Variants in ZSWIM5 observed in about 807,000 individuals in gnomAD.
ZSWIM5 encodes the protein zinc finger SWIM domain-containing protein 5.
Under a neutral mutation model 119.6 loss-of-function variants are expected in ZSWIM5, and 55 were observed. That is an observed-to-expected ratio of 0.46 (90% CI 0.37 to 0.58). The LOEUF is 0.58. ZSWIM5 is among the 20% of genes least tolerant of loss of function. ZSWIM5 has a pLI of 0.00. For synonymous variants in ZSWIM5, 537 were observed against 606.9 expected, an observed-to-expected ratio of 0.88 and a Z score of 1.69; for missense variants, 1,193 against 1,512.8, an observed-to-expected ratio of 0.79 and a Z score of 3.51.
chr1:45,198,819 T>C (rs1646141242), intron 1 of ZSWIM5, among the ~76,000 whole-genome samples: 1 of 152,242 alleles, frequency 6.6e-6, no homozygotes, highest in African/African-American at 2.4e-5. Context: ...GCTAAGTGGC[T>C]TGTATCATTG....
intron 1 of ZSWIM5, among the ~76,000 whole-genome samples, chr1:45,166,298 G>T (rs1435788018): frequency 6.6e-6 from 1 of 152,020 alleles, no homozygotes; most frequent in African/African-American, 2.4e-5. Context: ...CAATAAACTA[G>T]GTATTGATGG....
chr1:45,038,906 T>A, intron 8 of ZSWIM5, 30 bp downstream of exon 8: 1 of 1,611,390 alleles, frequency 6.2e-7, no homozygotes, highest in South Asian at 1.1e-5. Flanking sequence ...ACAAGGGCAG[T>A]CTTGGTTTGC....
intron 1 of ZSWIM5, among the ~76,000 whole-genome samples, chr1:45,200,383 A>G (rs1395169877): frequency 6.6e-6 from 1 of 152,252 alleles, no homozygotes; most frequent in African/African-American, 2.4e-5. Flanking sequence ...GAAAGAAATA[A>G]GCCTATAAAT....
At chr1:45,178,128 C>T (rs769655876) in intron 1 of ZSWIM5, among the ~76,000 whole-genome samples, 1 of 151,894 alleles carries the variant, frequency 6.6e-6, no homozygotes, top group Non-Finnish European at 1.5e-5. Context: ...ACTGTATCTT[C>T]AAATTAGACA....
intron 2 of ZSWIM5, among the ~76,000 whole-genome samples, chr1:45,084,194 G>A (rs745319779): frequency 1.3e-5 from 2 of 152,150 alleles, no homozygotes; most frequent in African/African-American, 2.4e-5. Context: ...ACAGGTGTGA[G>A]CCTCTGCGCC....
chr1:45,068,337 C>T (rs1343167181), intron 2 of ZSWIM5, among the ~76,000 whole-genome samples: 1 of 151,558 alleles, frequency 6.6e-6, no homozygotes, highest in African/African-American at 2.4e-5. Context: ...AACTCCTGAC[C>T]GCAGGTGATC....
intron 11 of ZSWIM5, among the ~76,000 whole-genome samples, chr1:45,032,663 T>C (rs1644960055): frequency 6.6e-6 from 1 of 151,750 alleles, no homozygotes; most frequent in East Asian, 1.9e-4. Flanking sequence ...TTTTTGTATT[T>C]TTAGTAGAGA....
intron 6 of ZSWIM5, among the ~76,000 whole-genome samples, chr1:45,042,876 T>C (rs1003944384): frequency 3.3e-5 from 5 of 152,170 alleles, no homozygotes; most frequent in Non-Finnish European, 4.4e-5. Flanking sequence ...TAACAAAACA[T>C]GTAATTTCAG....
At position 45,199,092 on chromosome 1, in the gene ZSWIM5, C is replaced by T. The variant is rs546078430; in HGVS notation, c.595+6664G>A. ...TACATACCAGCAATGTATGAGAGTTCCAGTTACTCCATATACTTGTCAGCA... is the reference window on the plus strand; with the variant it reads ...TACATACCAGCAATGTATGAGAGTTTCAGTTACTCCATATACTTGTCAGCA... On this transcript the variant is annotated intron_variant, in intron 1 of 13. Transcript: ENST00000359600. Among the ~76,000 whole-genome samples the T allele has an allele frequency of 2.6e-5, 4 of 152,126 alleles. No homozygotes were observed. The South Asian group carries it at 8.3e-4, about 32-fold the overall frequency.
intron 1 of ZSWIM5, among the ~76,000 whole-genome samples, chr1:45,187,385 G>A (rs932908133): frequency 2.6e-5 from 4 of 151,872 alleles, no homozygotes; most frequent in African/African-American, 9.7e-5. Flanking sequence ...TGGAAAAAAT[G>A]GATATCCATA....
chr1:45,184,676 G>C (rs1287006276), intron 1 of ZSWIM5, among the ~76,000 whole-genome samples: 1 of 151,644 alleles, frequency 6.6e-6, no homozygotes, highest in African/African-American at 2.4e-5. Context: ...AAAATACTTA[G>C]GTATCCAACT....
chr1:45,065,006 T>C (rs947246072), intron 2 of ZSWIM5, among the ~76,000 whole-genome samples: 1 of 152,230 alleles, frequency 6.6e-6, no homozygotes, highest in African/African-American at 2.4e-5. Flanking sequence ...ACAGAGAATA[T>C]GGAATTAGTC....
At chr1:45,062,118 T>A (rs1404786603) in intron 2 of ZSWIM5, among the ~76,000 whole-genome samples, 1 of 152,136 alleles carries the variant, frequency 6.6e-6, no homozygotes, top group African/African-American at 2.4e-5. Flanking sequence ...AACATTATTA[T>A]TAACTGTGGT....
At chr1:45,058,901 T>C in intron 3 of ZSWIM5, 142 bp from the exon 4 acceptor site, 1 of 883,574 alleles carries the variant, frequency 1.1e-6, no homozygotes, top group Admixed American at 2.3e-5. Context: ...CCTCTTGTTC[T>C]GTAAGCAAGA....
At chr1:45,180,156 G>A (rs1377969509) in intron 1 of ZSWIM5, among the ~76,000 whole-genome samples, 1 of 152,188 alleles carries the variant, frequency 6.6e-6, no homozygotes, top group Non-Finnish European at 1.5e-5. Flanking sequence ...AAGCCCAAGG[G>A]ATCAGGGAGT....
rs1442906447 is a variant in ZSWIM5 at position 45,205,792 on chromosome 1, G to T, written c.559C>A (p.Leu187Met). 5.1e-6 allele frequency: 8 copies of T among 1,558,230 alleles called. No individual in the cohort carries two copies. The African/African-American group carries it at 8.3e-5, about 16-fold the overall frequency. ...ACGTTCTCCACGGAGCCGCTGTCCA[G>T]CAGACGGATGCCCCGGCGGAACGGG... is the stretch of plus-strand genomic sequence containing the variant. ...GLPFRRGIRL[L>M]DSGSVENVLQ... The change falls in exon 1 of 14, where the codon CTG becomes ATG. Residue 187 changes from leucine (L) to methionine (M), a missense_variant. By Grantham distance (15) the Leu-to-Met change is conservative. This residue lies in a region of ZSWIM5 where 961 missense variants were observed against 1,290.0 expected (regional missense o/e 0.74). Coordinates refer to ENST00000359600, the MANE Select transcript of ZSWIM5 (RefSeq NM_020883.2).
At chr1:45,046,890 G>A (rs1017418158) in intron 5 of ZSWIM5, among the ~76,000 whole-genome samples, 1 of 151,752 alleles carries the variant, frequency 6.6e-6, no homozygotes, top group Non-Finnish European at 1.5e-5. Context: ...CAGGCGTGGT[G>A]GTGGGCACCT....
chr1:45,109,959 A>G (rs1281542979), intron 1 of ZSWIM5, among the ~76,000 whole-genome samples: 1 of 151,966 alleles, frequency 6.6e-6, no homozygotes, highest in Non-Finnish European at 1.5e-5. Flanking sequence ...CAATCTCCCA[A>G]GCTCAAGCGA....
intron 1 of ZSWIM5, among the ~76,000 whole-genome samples, chr1:45,180,991 G>C (rs935260746): frequency 6.6e-5 from 10 of 152,124 alleles, no homozygotes; most frequent in Non-Finnish European, 1.3e-4. Context: ...GGGAAAAACA[G>C]AGCAGAAAAA....
Sources: allele counts gnomAD v4.1 joint callset (sites outside exome capture counted in the v4.1 genomes callset), GRCh38; gene constraint gnomAD v4.1.1; regional missense constraint gnomAD v4.1.1; transcripts MANE v1.5; gene names NCBI Gene and HGNC (gene_info 2026-07-23, HGNC 2026-07-21).